Variants in EMG1 observed in about 807,000 individuals in gnomAD.
EMG1 encodes EMG1 N1-specific pseudouridine methyltransferase.
A neutral mutation model predicts 26.9 loss-of-function variants in EMG1; 24 were observed. The ratio of observed to expected loss-of-function variants is 0.89; its 90% CI spans 0.65 to 1.26. EMG1 has a LOEUF of 1.26. Among genes scored for constraint, EMG1 ranks in the 50% most tolerant of loss-of-function variants. EMG1 has a pLI of 0.00. For synonymous variants in EMG1, 140 were observed against 112.6 expected (o/e 1.24, Z -1.54); for missense variants, 299 against 307.6 (o/e 0.97, Z 0.21).
At chr12:6,982,560 C>G, downstream of EMG1, 1 of 727,294 alleles carries the variant, frequency 1.4e-6, no homozygotes, top group Non-Finnish European at 2.4e-6. Context: ...CTGCTAAGTG[C>G]TGGGAGAGGG....
downstream of EMG1, among the ~76,000 whole-genome samples, chr12:6,990,188 A>G (rs1241942715): frequency 6.8e-6 from 1 of 146,794 alleles, no homozygotes; most frequent in Non-Finnish European, 1.5e-5. Flanking sequence ...ACCCTGTCTC[A>G]AAAATAAATA....
Position 6,979,445 on chromosome 12 carries a change from C to T in EMG1, c.*3636C>T. ...ATTTTCTAGCTCTGGTGCAGTCATG[C>T]TGCTGCTGCTTTAGTAGACACTCAC... On this transcript the variant is annotated 3_prime_UTR_variant, in exon 6 of 6. Coordinates refer to ENST00000599672, the MANE Select transcript of EMG1 (RefSeq NM_006331.8). 6.6e-7 allele frequency: 1 copy of T among 1,509,140 alleles called. No homozygotes were observed. The highest frequency in any genetic ancestry group is 9.2e-7 in the Non-Finnish European group (1 of 1,084,740). 93.5% of individuals were successfully genotyped at this position (1,509,140 alleles called of 1,614,324 possible).
chr12:6,977,687 A>T lies in EMG1; in HGVS notation c.*1878A>T, dbSNP rs1946423577. 1 of 1,614,138 alleles carries T rather than the reference A, an allele frequency of 6.2e-7. No homozygotes were observed. Among genetic ancestry groups the T allele is most frequent in the African/African-American group, 1.3e-5 (1 of 74,952 alleles). ...CCGTGCCAGAGGGCCAGGAATAGCA[A>T]CGAGAGACCCTGAGAGAGTTCTTTA... On this transcript the variant is annotated 3_prime_UTR_variant, in exon 6 of 6. Transcript: ENST00000599672. The surrounding 1 kb of genome is among the most constrained non-coding windows in gnomAD (Gnocchi z 4.5).
downstream of EMG1, among the ~76,000 whole-genome samples, chr12:6,989,122 CAA>C (rs782103069): frequency 4.5e-5 from 6 of 132,602 alleles, no homozygotes; most frequent in Admixed American, 1.5e-4. Context: ...AACTCCATCT[CAA>C]AAAAAAAAAA....
chr12:6,977,361 A>G lies in EMG1; in HGVS notation c.*1552A>G, dbSNP rs1946416801. The stretch of plus-strand genomic sequence containing the variant: ...CTCCCAGTCTCACAAGCAGGCCTTC[A>G]CTTGCCTTAAGCCATTTGTCCCACG... On this transcript the variant is annotated 3_prime_UTR_variant, in exon 6 of 6. Coordinates refer to ENST00000599672, the MANE Select transcript of EMG1 (RefSeq NM_006331.8). This position sits in a 1 kb window ranked among gnomAD's most constrained non-coding sequence, Gnocchi z 4.5. 1.2e-6 allele frequency: 2 copies of G among 1,614,182 alleles called. No homozygotes were observed. Among genetic ancestry groups the G allele is most frequent in the African/African-American group, 2.7e-5 (2 of 75,046 alleles).
In EMG1 at chr12:6,977,850, G is replaced by T; in HGVS notation, c.*2041G>T. 1.5e-6 allele frequency: 2 copies of T among 1,343,454 alleles called. No individual in the cohort carries two copies. The highest frequency in any genetic ancestry group is 1.1e-6 in the Non-Finnish European group (1 of 952,268). The allele number at this position is 1,343,454 out of a possible 1,614,324, so 83.2% of individuals were successfully genotyped here. ...GAGGATTGGATTGGAGTGCTGGTGGGTTCCCACGTGTAGCCCCCAGAGGGT... is the reference window on the plus strand; with the variant it reads ...GAGGATTGGATTGGAGTGCTGGTGGTTTCCCACGTGTAGCCCCCAGAGGGT... On this transcript the variant is annotated 3_prime_UTR_variant, in exon 6 of 6. Coordinates refer to ENST00000599672, the MANE Select transcript of EMG1 (RefSeq NM_006331.8). The surrounding 1 kb of genome is among the most constrained non-coding windows in gnomAD (Gnocchi z 4.5).
Position 6,971,005 on chromosome 12 carries a change from A to C in EMG1, c.82A>C (p.Lys28Gln), listed in dbSNP as rs782743040. The C allele has an allele frequency of 5.6e-6, 9 of 1,612,096 alleles. No homozygotes were observed. The highest frequency in any genetic ancestry group is 1.7e-5 in the Admixed American group (1 of 59,716). The change falls in exon 1 of 6, where the codon AAG becomes CAG. Residue 28 changes from lysine to glutamine, a missense_variant. Lys to Gln is a moderately conservative substitution (Grantham distance 53). Coordinates refer to ENST00000599672, the MANE Select transcript of EMG1 (RefSeq NM_006331.8). ...ACAGGACTGGGATGCTCTGCCACCC[A>C]AGCGGCCCCGACTAGGGGCAGGAAA... ...QAQDWDALPP[K>Q]RPRLGAGNKI...
chr12:6,985,844 A>T (rs1290635294), intron 6 of EMG1, among the ~76,000 whole-genome samples: 1 of 147,092 alleles, frequency 6.8e-6, no homozygotes, highest in East Asian at 2.1e-4. Flanking sequence ...CGATCTTGGC[A>T]GCTCACTGCA....
At position 6,977,285 on chromosome 12, in the gene EMG1, G is replaced by A. The variant is rs1436326136; in HGVS notation, c.*1476G>A. The A allele has an allele frequency of 3.7e-6, 6 of 1,610,572 alleles. No individual in the cohort carries two copies. The highest frequency in any genetic ancestry group is 1.1e-5 in the South Asian group (1 of 91,014). ...CACCTGTGGAGAGAGAGGCCACTAAGGTAGACAGGCCTGGAGTGTCCTTTG... is the reference window on the plus strand; with the variant it reads ...CACCTGTGGAGAGAGAGGCCACTAAAGTAGACAGGCCTGGAGTGTCCTTTG... On this transcript the variant is annotated 3_prime_UTR_variant, in exon 6 of 6. Transcript: ENST00000599672. This position sits in a 1 kb window ranked among gnomAD's most constrained non-coding sequence, Gnocchi z 4.5.
chr12:6,972,356 GCT>G (rs1300095645), intron 1 of EMG1, among the ~76,000 whole-genome samples: 1 of 152,068 alleles, frequency 6.6e-6, no homozygotes, highest in Non-Finnish European at 1.5e-5. Context: ...TGTTCTTTGT[GCT>G]CTCTGTGACA....
chr12:6,978,804 G>A lies in EMG1; in HGVS notation c.*2995G>A, dbSNP rs367918058. 9.6e-6 allele frequency: 14 copies of A among 1,462,058 alleles called. No homozygotes were observed. The highest frequency in any genetic ancestry group is 7.3e-5 in the East Asian group (3 of 40,984). 90.6% of individuals were successfully genotyped at this position (1,462,058 alleles called of 1,614,324 possible). On this transcript the variant is annotated 3_prime_UTR_variant, in exon 6 of 6. Transcript: ENST00000599672. The stretch of plus-strand genomic sequence containing the variant: ...ACTTCATACCTGCCTGAGTCCTGCT[G>A]CCAGATGCCCTCAATAGTCTGGCCT...
chr12:6,983,482 A>G, downstream of EMG1: 2 of 1,613,388 alleles, frequency 1.2e-6, no homozygotes, highest in Non-Finnish European at 1.7e-6. Flanking sequence ...GAAGAGGTGG[A>G]TGAGGTAGGT....
chr12:6,975,104 A>G lies in EMG1; in HGVS notation c.427A>G (p.Lys143Glu). Residue 143 changes from lysine (K) to glutamate (E), a missense_variant, in exon 4 of 6, where the codon AAG (lysine) becomes GAG (glutamate). Physicochemically the swap from Lys to Glu is moderately conservative, Grantham distance 56 (BLOSUM62 1). Transcript: ENST00000599672. ...CCCCCTTCTAGTTCAACTTTTACAC[A>G]AGCTCAGTGTTCGAGCAGCTGATGG... Reference protein sequence around the residue: ...FCGLMVQLLHKLSVRAADGPQ... With the variant: ...FCGLMVQLLHELSVRAADGPQ... The G allele has an allele frequency of 6.2e-7, 1 of 1,614,010 alleles. No homozygotes were observed. The highest frequency in any genetic ancestry group is 8.5e-7 in the Non-Finnish European group (1 of 1,179,906).
intron 7 of EMG1, among the ~76,000 whole-genome samples, chr12:6,994,038 T>G (rs782736061): frequency 1.3e-5 from 2 of 152,258 alleles, no homozygotes; most frequent in Non-Finnish European, 2.9e-5. Context: ...GGTCTCACTA[T>G]GTTGCCTAGG....
rs1946417640 is a variant in EMG1 at position 6,977,395 on chromosome 12, C to T, written c.*1586C>T. On this transcript the variant is annotated 3_prime_UTR_variant, in exon 6 of 6. Coordinates refer to ENST00000599672, the MANE Select transcript of EMG1 (RefSeq NM_006331.8). This position sits in a 1 kb window ranked among gnomAD's most constrained non-coding sequence, Gnocchi z 4.5. ...AAGCCATTTGTCCCACGTGAAGAGGCAGAAGGCAGTCATGGAGTAACCCAT... is the reference window on the plus strand; with the variant it reads ...AAGCCATTTGTCCCACGTGAAGAGGTAGAAGGCAGTCATGGAGTAACCCAT... 1.9e-6 allele frequency: 3 copies of T among 1,614,048 alleles called. No homozygotes were observed. The African/African-American group carries it at 4.0e-5, about 22-fold the overall frequency.
At position 6,976,009 on chromosome 12, in the gene EMG1, G is replaced by A. The variant is rs12579775; in HGVS notation, c.*200G>A. The A allele has an allele frequency of 0.12, 67,073 of 540,810 alleles. 6,915 individuals carry two copies. The highest frequency in any genetic ancestry group is 0.41 in the African/African-American group (21,735 of 52,730). 33.5% of individuals were successfully genotyped at this position (540,810 alleles called of 1,614,324 possible). ...TGTTTTGGGGTTCCTAAAGTATCCA[G>A]TGGTGTAAAACTGTTTGTTCCCCGG... On this transcript the variant is annotated 3_prime_UTR_variant, in exon 6 of 6. Transcript: ENST00000599672.
intron 7 of EMG1, among the ~76,000 whole-genome samples, chr12:6,996,888 C>T (rs891938270): frequency 2.6e-5 from 4 of 151,938 alleles, no homozygotes; most frequent in Admixed American, 6.6e-5. Context: ...AAAGACACAG[C>T]GGTAGGAAGG....
At chr12:6,981,808 C>T (rs376829589), downstream of EMG1, 3 of 1,611,060 alleles carry the variant, frequency 1.9e-6, no homozygotes, top group Non-Finnish European at 2.5e-6. Flanking sequence ...GACCATCACT[C>T]ACCAATCAGC....
intron 1 of EMG1, among the ~76,000 whole-genome samples, chr12:6,971,950 T>G (rs1383359173): frequency 2.0e-5 from 3 of 152,222 alleles, no homozygotes; most frequent in Non-Finnish European, 4.4e-5. Context: ...CTTAAAGCCT[T>G]GGGCAGTGTT....
Sources: gnomAD v4.1 joint callset for allele counts (sites outside exome capture counted in the v4.1 genomes callset) on GRCh38, gnomAD v4.1.1 for gene constraint, Gnocchi (gnomAD v3.1) non-coding constraint, MANE v1.5 for transcripts, NCBI Gene and HGNC (gene_info 2026-07-23, HGNC 2026-07-21) for gene names.